Variants in MTO1 observed in about 807,000 individuals in gnomAD.
MTO1 encodes 5-taurinomethyluridine-[tRNA] synthase subunit MTO1, mitochondrial.
A neutral mutation model predicts 71.6 loss-of-function variants in MTO1; 46 were observed. The ratio of observed to expected loss-of-function variants is 0.64; its 90% CI spans 0.51 to 0.82. The LOEUF is 0.82. Ranked by LOEUF, MTO1 falls within the 40% of genes least tolerant of loss-of-function variation. The pLI is 0.00. For synonymous variants in MTO1, 297 were observed against 312.1 expected (o/e 0.95, Z 0.51); for missense variants, 773 against 867.5 (o/e 0.89, Z 1.37).
In MTO1 at chr6:73,509,033, C is replaced by T. The variant is rs1026769075; in HGVS notation, c.*8298C>T. ...CATGCCTCCAGACAGCACTAGAAGTCAAACTCAAATTGCTTACATGGTAAC... is the reference window on the plus strand; with the variant it reads ...CATGCCTCCAGACAGCACTAGAAGTTAAACTCAAATTGCTTACATGGTAAC... On this transcript the variant is annotated 3_prime_UTR_variant, in exon 12 of 12. Coordinates refer to ENST00000498286, the MANE Select transcript of MTO1 (RefSeq NM_012123.4). 6.6e-6 allele frequency: 1 copy of T among 152,244 alleles called. No homozygotes were observed. Among genetic ancestry groups the T allele is most frequent in the Non-Finnish European group, 1.5e-5 (1 of 68,042 alleles). 9.4% of individuals were successfully genotyped at this position (152,244 alleles called of 1,614,324 possible).
At chr6:73,493,027 T>C (rs1183268367) in intron 10 of MTO1, among the ~76,000 whole-genome samples, 4 of 140,740 alleles carry the variant, frequency 2.8e-5, no homozygotes, top group South Asian at 2.4e-4. Context: ...GGAGTTTCCT[T>C]CTTCTTGCCC....
intron 10 of MTO1, chr6:73,492,891 T>G (rs1349131142): frequency 1.3e-5 from 2 of 151,544 alleles, no homozygotes; most frequent in African/African-American, 4.9e-5. Context: ...TTAAACATGC[T>G]TTTCAGGTGA....
At position 73,495,541 on chromosome 6, in the gene MTO1, ACT is replaced by A. The variant is rs1447748189; in HGVS notation, c.1757-2191_1757-2190del. On this transcript the variant is annotated intron_variant, in intron 10 of 11. Transcript: ENST00000498286. The stretch of plus-strand genomic sequence containing the variant: ...TTTAAAGACTCTGGCATATATAAAG[ACT>A]CTCATAACTATCATGGCTTAAAAAA... 5.3e-5 allele frequency among the ~76,000 whole-genome samples: 8 copies of A among 151,716 alleles called. No homozygotes were observed. The East Asian group carries it at 1.4e-3, about 26-fold the overall frequency.
chr6:73,482,917 G>A (rs1198935135), intron 9 of MTO1, among the ~76,000 whole-genome samples: 8 of 141,274 alleles, frequency 5.7e-5, no homozygotes, highest in African/African-American at 1.0e-4. Context: ...TCAGCCCCCC[G>A]AGTAGCTGGG....
At chr6:73,478,865 G>A (rs1277854716) in intron 4 of MTO1, among the ~76,000 whole-genome samples, 2 of 151,136 alleles carry the variant, frequency 1.3e-5, no homozygotes, top group Non-Finnish European at 1.5e-5. Flanking sequence ...GAGTCCCTGG[G>A]TGGGCACAAA....
intron 3 of MTO1, among the ~76,000 whole-genome samples, chr6:73,466,945 C>T (rs548269998): frequency 1.3e-5 from 2 of 151,166 alleles, no homozygotes; most frequent in African/African-American, 4.8e-5. Context: ...ATTTTAACAG[C>T]TTATATATAT....
chr6:73,496,946 A>G (rs1771996788), intron 10 of MTO1, among the ~76,000 whole-genome samples: 1 of 151,292 alleles, frequency 6.6e-6, no homozygotes, highest in South Asian at 2.1e-4. Flanking sequence ...CCAGCTACTT[A>G]GGAGGCTGAG....
intron 1 of MTO1, chr6:73,464,120 A>G (rs544737393): frequency 4.6e-5 from 7 of 152,280 alleles, no homozygotes; most frequent in African/African-American, 1.4e-4. Flanking sequence ...TGATATAGGG[A>G]TTAGCATAGC....
chr6:73,464,237 A>T (rs1770912905), intron 1 of MTO1: 1 of 152,206 alleles, frequency 6.6e-6, no homozygotes, highest in African/African-American at 2.4e-5. Context: ...TTGTAATCCC[A>T]GCATTTGGGG....
In MTO1 at chr6:73,497,754, T is replaced by C; in HGVS notation, c.1775T>C (p.Leu592Ser). The part of the protein sequence containing the change: ...LKIEATYESV[L>S]FHQLQEIKGV... ...TGACCAGCCACTTATGAATCAGTGT[T>C]GTTCCATCAACTACAAGAAATAAAG... Residue 592 changes from leucine (L) to serine (S), a missense_variant, in exon 11 of 12, where the codon TTG becomes TCG. Physicochemically the swap from Leu to Ser is moderately radical, Grantham distance 145 (BLOSUM62 -2). Transcript: ENST00000498286. The C allele has an allele frequency of 6.2e-7, 1 of 1,613,954 alleles. No individual in the cohort carries two copies. The highest frequency in any genetic ancestry group is 8.5e-7 in the Non-Finnish European group (1 of 1,179,870).
chr6:73,471,842 G>A (rs1771169169), intron 3 of MTO1: 1 of 160,200 alleles, frequency 6.2e-6, no homozygotes, highest in Admixed American at 6.4e-5. Flanking sequence ...CCATTTTTAA[G>A]TGTACAATTC....
intron 3 of MTO1, among the ~76,000 whole-genome samples, chr6:73,466,956 T>A (rs915024925): frequency 1.3e-5 from 2 of 151,874 alleles, no homozygotes; most frequent in African/African-American, 4.8e-5. Context: ...TTATATATAT[T>A]TTTATGTAAA....
At position 73,479,722 on chromosome 6, in the gene MTO1, T is replaced by C. The variant is rs767383464; in HGVS notation, c.826-10T>C. The C allele has an allele frequency of 4.5e-5, 72 of 1,596,408 alleles. No homozygotes were observed. Among genetic ancestry groups the C allele is most frequent in the South Asian group, 5.6e-5 (5 of 89,810 alleles). The stretch of plus-strand genomic sequence containing the variant: ...GCAAATCAGTATTGCATCTGGTTAC[T>C]GTTTTTTAGCCAGAAGATCAGCTGC... On this transcript the variant is annotated splice_polypyrimidine_tract_variant and intron_variant, in intron 4 of 11. Transcript: ENST00000498286.
intron 3 of MTO1, among the ~76,000 whole-genome samples, chr6:73,468,712 A>G (rs1238114713): frequency 6.6e-6 from 1 of 151,414 alleles, no homozygotes; most frequent in African/African-American, 2.4e-5. Context: ...GGTTCAAGCA[A>G]TTCTCCTGCC....
intron 3 of MTO1, 31 bp from the exon 4 acceptor site, chr6:73,473,334 A>G: frequency 6.4e-7 from 1 of 1,566,330 alleles, no homozygotes; most frequent in Non-Finnish European, 8.7e-7. Flanking sequence ...ATACATAGAT[A>G]ATGACTTTAT....
intron 9 of MTO1, among the ~76,000 whole-genome samples, chr6:73,485,844 A>G (rs1561948931): frequency 6.6e-6 from 1 of 152,226 alleles, no homozygotes; most frequent in African/African-American, 2.4e-5. Context: ...ATGCCAGACT[A>G]TGTAGTAAGC....
At position 73,482,511 on chromosome 6, in the gene MTO1, T is replaced by C. The variant is rs1436114406; in HGVS notation, c.1528T>C (p.Ser510Pro). The change falls in exon 9 of 12, where the codon TCT becomes CCT. Residue 510 changes from serine to proline, a missense_variant. Coordinates refer to ENST00000498286, the MANE Select transcript of MTO1 (RefSeq NM_012123.4). ...TGAAAGAGCTTGTTGGATGAAGTCT[T>C]CTTTAGAAGAAGGCATTTCTGTGTT... Reference protein sequence around the residue: ...RYERACWMKSSLEEGISVLKS... With the variant: ...RYERACWMKSPLEEGISVLKS... The C allele has an allele frequency of 1.9e-6, 3 of 1,613,266 alleles. No individual in the cohort carries two copies. The highest frequency in any genetic ancestry group is 2.5e-6 in the Non-Finnish European group (3 of 1,179,896).
At chr6:73,482,749 C>G in intron 9 of MTO1, 129 bp downstream of exon 9, 1 of 442,722 alleles carries the variant, frequency 2.3e-6, no homozygotes, top group East Asian at 4.6e-5. Context: ...TTTTTGGCTT[C>G]TTTTCAAAAT....
intron 10 of MTO1, among the ~76,000 whole-genome samples, chr6:73,493,840 A>T (rs1302887344): frequency 2.0e-5 from 3 of 152,314 alleles, no homozygotes; most frequent in South Asian, 4.1e-4. Context: ...CTTACTTTGT[A>T]TCAATACTCT....
Sources: allele counts gnomAD v4.1 joint callset (sites outside exome capture counted in the v4.1 genomes callset), GRCh38; gene constraint gnomAD v4.1.1; transcripts MANE v1.5; gene names NCBI Gene and HGNC (gene_info 2026-07-23, HGNC 2026-07-21).